The following PRKCH variants were observed in gnomAD, a reference collection of about 807,000 sequenced individuals.
PRKCH encodes the protein protein kinase C eta.
In PRKCH, 28 loss-of-function variants were observed where a neutral mutation model predicts 82.5. The ratio of observed to expected loss-of-function variants is 0.34; its 90% confidence interval spans 0.25 to 0.47. PRKCH has a LOEUF of 0.47. Ranked by LOEUF, PRKCH falls within the 20% of genes least tolerant of loss-of-function variation. PRKCH has a pLI of 1.00. For synonymous variants in PRKCH, 322 were observed against 327.4 expected, an observed-to-expected ratio of 0.98 and a Z score of 0.18; for missense variants, 705 against 881.8, an observed-to-expected ratio of 0.80 and a Z score of 2.54.
At chr14:61,292,702 C>T (rs2045374169) in intron 1 of PRKCH, among the ~76,000 whole-genome samples, 1 of 135,320 alleles carries the variant, frequency 7.4e-6, no homozygotes, top group African/African-American at 2.7e-5. Context: ...ACCCGGGAGG[C>T]GGAGGTTGCA....
intron 1 of PRKCH, chr14:61,281,023 G>C (rs1297074766): frequency 6.5e-7 from 1 of 1,533,992 alleles, no homozygotes; most frequent in Non-Finnish European, 8.7e-7. Context: ...GGCCAGGCCC[G>C]CGCAGAAGAA....
intron 1 of PRKCH, among the ~76,000 whole-genome samples, chr14:61,296,037 T>A (rs2045403458): frequency 6.6e-6 from 1 of 152,128 alleles, no homozygotes; most frequent in Non-Finnish European, 1.5e-5. Context: ...TGAAGCCAAG[T>A]GGAAAAGACA....
chr14:61,295,972 T>A (rs2045402957), intron 1 of PRKCH, among the ~76,000 whole-genome samples: 1 of 152,136 alleles, frequency 6.6e-6, no homozygotes, highest in Non-Finnish European at 1.5e-5. Context: ...ACATTTGCAG[T>A]TGTGCCTGAA....
At chr14:61,429,338 T>C (rs1353352009) in intron 2 of PRKCH, among the ~76,000 whole-genome samples, 2 of 152,218 alleles carry the variant, frequency 1.3e-5, no homozygotes, top group Non-Finnish European at 2.9e-5. Flanking sequence ...TAGAAACCTA[T>C]AGAACTGAGG....
At chr14:61,189,510 C>A (rs928383498) in intron 1 of PRKCH, among the ~76,000 whole-genome samples, 6 of 151,796 alleles carry the variant, frequency 4.0e-5, no homozygotes, top group African/African-American at 1.5e-4. Flanking sequence ...TTATCTCTCT[C>A]TCTCTCTCTC....
chr14:61,529,786 G>A (rs1290593250), intron 11 of PRKCH, among the ~76,000 whole-genome samples: 1 of 147,372 alleles, frequency 6.8e-6, no homozygotes, highest in Non-Finnish European at 1.5e-5. Context: ...GGATAGCATT[G>A]GGAGATATAC....
chr14:61,391,502 G>A (rs1008212527), intron 2 of PRKCH, among the ~76,000 whole-genome samples: 1 of 152,184 alleles, frequency 6.6e-6, no homozygotes, highest in Non-Finnish European at 1.5e-5. Context: ...GCAATCTCAC[G>A]TTTCATTTAA....
In PRKCH at chr14:61,287,900, G is replaced by C. The variant is rs890775580; in HGVS notation, c.-19+100232G>C. 2.6e-5 allele frequency among the ~76,000 whole-genome samples: 4 copies of C among 152,070 alleles called. No homozygotes were observed. The East Asian group carries it at 7.7e-4, about 29-fold the overall frequency. Reference sequence around the variant, plus strand: ...CAGTGTAGTGAAACTCACTGGTTTGGGGAAGTCTTCACCTCAGCGACCTCA... The same window carrying C: ...CAGTGTAGTGAAACTCACTGGTTTGCGGAAGTCTTCACCTCAGCGACCTCA... On this transcript the variant is annotated intron_variant, in intron 1 of 3. Coordinates refer to the PRKCH transcript ENST00000555185.
chr14:61,327,181 G>A, intron 1 of PRKCH: 1 of 454,686 alleles, frequency 2.2e-6, no homozygotes, highest in Non-Finnish European at 4.4e-6. Flanking sequence ...TTCTCAGTGA[G>A]GTACCTGTTT....
chr14:61,457,695 A>T lies in PRKCH; in HGVS notation c.1278+16A>T, dbSNP rs765271942. 1 of 1,612,656 alleles carries T rather than the reference A, an allele frequency of 6.2e-7. No individual in the cohort carries two copies. Among genetic ancestry groups the T allele is most frequent in the South Asian group, 1.1e-5 (1 of 91,000 alleles). ...TCAGACCCCCGTAAGTATGAATCAC[A>T]TTCACTGCACCAACAGCCTCTTTTC... is the stretch of plus-strand genomic sequence containing the variant. On this transcript the variant is annotated intron_variant, in intron 9 of 13. Coordinates refer to ENST00000332981, the MANE Select transcript of PRKCH (RefSeq NM_006255.5).
intron 2 of PRKCH, among the ~76,000 whole-genome samples, chr14:61,392,941 A>C (rs2046707736): frequency 6.6e-6 from 1 of 151,858 alleles, no homozygotes; most frequent in Non-Finnish European, 1.5e-5. Flanking sequence ...AGAGGAGTTG[A>C]AACATTTTTT....
intron 6 of PRKCH, 124 bp from the exon 7 acceptor site, chr14:61,453,102 A>G: frequency 8.2e-7 from 1 of 1,224,144 alleles, no homozygotes; most frequent in Non-Finnish European, 1.2e-6. Flanking sequence ...TTATGAGAAA[A>G]TGATACTGTT....
intron 2 of PRKCH, among the ~76,000 whole-genome samples, chr14:61,392,698 A>G (rs746942863): frequency 5.3e-4 from 81 of 151,936 alleles, no homozygotes; most frequent in Middle Eastern, 3.4e-3. Flanking sequence ...TTGCCTTTTC[A>G]TTTTCTTAAT....
intron 1 of PRKCH, among the ~76,000 whole-genome samples, chr14:61,244,072 G>GA (rs891784269): frequency 5.9e-5 from 9 of 152,148 alleles, no homozygotes; most frequent in African/African-American, 1.9e-4. Flanking sequence ...GAGCATGCTG[G>GA]AAAAAACAGG....
intron 1 of PRKCH, among the ~76,000 whole-genome samples, chr14:61,331,504 G>A (rs1464306727): frequency 6.6e-6 from 1 of 152,144 alleles, no homozygotes; most frequent in Non-Finnish European, 1.5e-5. Context: ...CTGGGCAACA[G>A]AGTGAGACTT....
chr14:61,378,536 C>T (rs1458836924), intron 1 of PRKCH, among the ~76,000 whole-genome samples: 2 of 152,196 alleles, frequency 1.3e-5, no homozygotes, highest in African/African-American at 4.8e-5. Context: ...TGCCACTGAC[C>T]TATTCAGTTG....
chr14:61,523,838 G>A (rs1214673065), intron 10 of PRKCH, among the ~76,000 whole-genome samples: 2 of 152,188 alleles, frequency 1.3e-5, no homozygotes, highest in African/African-American at 2.4e-5. Flanking sequence ...ATTAAAATGT[G>A]TATAGATGAA....
At chr14:61,363,984 A>G (rs377218427) in intron 1 of PRKCH, among the ~76,000 whole-genome samples, 26 of 145,342 alleles carry the variant, frequency 1.8e-4, no homozygotes, top group Admixed American at 4.8e-4. Context: ...GTGTGTGTAT[A>G]TGTGTGTGTG....
At chr14:61,243,971 A>G (rs1384983373) in intron 1 of PRKCH, among the ~76,000 whole-genome samples, 1 of 151,486 alleles carries the variant, frequency 6.6e-6, no homozygotes, top group African/African-American at 2.4e-5. Flanking sequence ...AAATACAGCA[A>G]CACTTTAGCT....
Sources: gnomAD v4.1 joint callset for allele counts (sites outside exome capture counted in the v4.1 genomes callset) on GRCh38, gnomAD v4.1.1 for gene constraint, MANE v1.5 for transcripts, NCBI Gene and HGNC (gene_info 2026-07-23, HGNC 2026-07-21) for gene names.